Variants in MGAT4B observed in about 807,000 individuals in gnomAD.
MGAT4B encodes alpha-1,3-mannosyl-glycoprotein 4-beta-N-acetylglucosaminyltransferase B, also known as N-acetylglucosaminyltransferase IVb.
MGAT4B carries 38 observed loss-of-function variants against 73.9 expected under a neutral mutation model. That is an observed-to-expected ratio of 0.51 (90% confidence interval 0.40 to 0.67). The LOEUF (loss-of-function observed/expected upper bound fraction) is 0.67, where lower values mean the gene tolerates loss of function less well. Ranked by LOEUF, MGAT4B falls within the 30% of genes least tolerant of loss-of-function variation. The pLI, the probability that MGAT4B is intolerant of heterozygous loss-of-function variation, is 0.00. For missense variants in MGAT4B, 686 were observed against 735.2 expected (o/e 0.93, Z 0.77); for synonymous variants, 373 against 313.5 (o/e 1.19, Z -2.01).
chr5:179,798,114 A>G (rs1756730206), intron 14 of MGAT4B, 46 bp from the exon 15 acceptor site: 1 of 1,601,618 alleles, frequency 6.2e-7, no homozygotes, highest in Non-Finnish European at 8.5e-7. Flanking sequence ...GAGCTCCGCC[A>G]GGGTCTCCCT....
rs755322947 is a variant in MGAT4B, at chr5:179,800,056, T to C, written c.808A>G (p.Ile270Val). 4 of 1,613,962 alleles carry C rather than the reference T, an allele frequency of 2.5e-6. No individual in the cohort carries two copies. Among genetic ancestry groups the C allele is most frequent in the East Asian group, 2.2e-5 (1 of 44,886 alleles). ...CTCAGGTAGTTGGGCTTGGCCACGA[T>C]GTCATCCTCCAGCTGCGAGGTGAGC... is the stretch of plus-strand genomic sequence containing the variant. ...GIYYVQLEDD[I>V]VAKPNYLSTM... The change falls in exon 8 of 15, where the codon ATC (isoleucine) becomes GTC (valine). Residue 270 changes from isoleucine (I) to valine (V), a missense_variant. Ile to Val is a conservative substitution (Grantham distance 29). This residue lies in a region of MGAT4B where 449 missense variants were observed against 536.8 expected (regional missense o/e 0.84). Coordinates refer to ENST00000292591, the MANE Select transcript of MGAT4B (RefSeq NM_014275.5).
chr5:179,798,880 G>T, intron 11 of MGAT4B, 48 bp downstream of exon 11: 1 of 1,603,650 alleles, frequency 6.2e-7, no homozygotes, highest in East Asian at 2.2e-5. Context: ...ACACCCTGGG[G>T]GCCACCCAGC....
Position 179,799,486 on chromosome 5 carries a change from TC to T in MGAT4B, c.1041+19del. On this transcript the variant is annotated intron_variant, in intron 9 of 14. Coordinates refer to ENST00000292591, the MANE Select transcript of MGAT4B (RefSeq NM_014275.5). The stretch of plus-strand genomic sequence containing the variant: ...TGCCCCTTGGCCCTGCCCCTGCCAG[TC>T]CCGCCAGCTCTTGCTCACCGCATCC... The T allele has an allele frequency of 6.2e-7, 1 of 1,613,130 alleles. No individual in the cohort carries two copies. The highest frequency in any genetic ancestry group is 8.5e-7 in the Non-Finnish European group (1 of 1,179,832).
intron 11 of MGAT4B, 111 bp downstream of exon 11, chr5:179,798,817 C>T (rs1201034267): frequency 3.0e-6 from 4 of 1,319,544 alleles, no homozygotes; most frequent in East Asian, 2.4e-5. Flanking sequence ...ATTACGAGGC[C>T]CACTTCAGAT....
intron 6 of MGAT4B, 94 bp from the exon 7 acceptor site, chr5:179,800,353 C>A: frequency 4.0e-6 from 6 of 1,492,160 alleles, no homozygotes; most frequent in South Asian, 2.3e-5. Context: ...TCTGTCCCCC[C>A]ACCCCCATGC....
Position 179,798,676 on chromosome 5 carries a change from C to T in MGAT4B, c.1344-85G>A, listed in dbSNP as rs903024472. 76 of 1,456,692 alleles carry T rather than the reference C, an allele frequency of 5.2e-5. No individual in the cohort carries two copies. In the African/African-American group the frequency reaches 5.9e-4, roughly 11 times the overall value. 90.2% of individuals were successfully genotyped at this position (1,456,692 alleles called of 1,614,324 possible). A position where few individuals can be genotyped will look rare whatever the true frequency, so the allele number is the denominator to read the frequency against. ...GCCCAGCAGAGAAAGGCCAGGCCTG[C>T]GCCAGGAGGGCCCCCCAGGCAGCTG... On this transcript the variant is annotated intron_variant, in intron 11 of 14. Transcript: ENST00000292591.
chr5:179,801,139 T>C lies in MGAT4B; in HGVS notation c.559-186A>G. On this transcript the variant is annotated intron_variant, in intron 4 of 14. Coordinates refer to ENST00000292591, the MANE Select transcript of MGAT4B (RefSeq NM_014275.5). This position sits in a 1 kb window ranked among gnomAD's most constrained non-coding sequence, Gnocchi z 4.8. ...CTTTGGGACTCGCATGGCCAAGGAC[T>C]AGGGGGTGGCGGGGGCGATGGGTAG... 1 of 1,139,302 alleles carries C rather than the reference T, an allele frequency of 8.8e-7. No homozygotes were observed. Among genetic ancestry groups the C allele is most frequent in the Non-Finnish European group, 1.2e-6 (1 of 814,992 alleles). 70.6% of individuals were successfully genotyped at this position (1,139,302 alleles called of 1,614,324 possible).
In MGAT4B at chr5:179,797,815, C is replaced by T; in HGVS notation, c.*230G>A. The T allele has an allele frequency of 1.8e-6, 1 of 548,016 alleles. No homozygotes were observed. The highest frequency in any genetic ancestry group is 3.6e-5 in the Admixed American group (1 of 27,628). The allele number at this position is 548,016 out of a possible 1,614,324, so 33.9% of individuals were successfully genotyped here. On this transcript the variant is annotated 3_prime_UTR_variant, in exon 15 of 15. Transcript: ENST00000292591. ...CAGGCCGGGTGCGAACGGTTCCGGG[C>T]CTCAGGCACAGTGTGGGGGCCGCCT...
intron 6 of MGAT4B, 88 bp downstream of exon 6, chr5:179,800,396 C>T: frequency 7.0e-7 from 1 of 1,423,474 alleles, no homozygotes; most frequent in Non-Finnish European, 9.9e-7. Flanking sequence ...CAGGGCACTG[C>T]AGGGAAACAC....
rs760231271 is a variant in MGAT4B at position 179,799,072 on chromosome 5, G to A, written c.1199C>T (p.Pro400Leu). The A allele has an allele frequency of 6.2e-7, 1 of 1,613,936 alleles. No homozygotes were observed. The highest frequency in any genetic ancestry group is 8.5e-7 in the Non-Finnish European group (1 of 1,180,034). ...CTTCAGGCTCGTGCTCACCTCTGCT[G>A]GCGGGTTCACATGCTCCTTCCGCAG... The part of the protein sequence containing the change: ...QALRKEHVNP[P>L]AEVSTSLKTY... The change falls in exon 11 of 15, where the codon CCA (proline) becomes CTA (leucine). Residue 400 changes from proline (P) to leucine (L), a missense_variant. Around this residue, in one of 2 missense-constraint regions of MGAT4B, gnomAD observed 449 missense variants for 536.8 expected, o/e 0.84. Transcript: ENST00000292591.
intron 1 of MGAT4B, chr5:179,803,317 T>C: frequency 1.0e-6 from 1 of 971,780 alleles, no homozygotes; most frequent in Non-Finnish European, 1.2e-6. Flanking sequence ...GGGAGTCAGA[T>C]TACTGGCTCT....
rs138780445 is a variant in MGAT4B, at chr5:179,801,925, C to T, written c.142G>A (p.Asp48Asn). 1.1e-5 allele frequency: 17 copies of T among 1,613,210 alleles called. No homozygotes were observed. In the Admixed American group the frequency reaches 1.7e-4, roughly 16 times the overall value. The change falls in exon 2 of 15, where the codon GAT becomes AAT. Residue 48 changes from aspartate to asparagine, a missense_variant. By Grantham distance (23) the Asp-to-Asn change is conservative. Around this residue, in one of 2 missense-constraint regions of MGAT4B, gnomAD observed 237 missense variants for 198.5 expected, o/e 1.19. Transcript: ENST00000292591. The surrounding 1 kb of genome is among the most constrained non-coding windows in gnomAD (Gnocchi z 4.8). ...TCCTGCTCAGCTGCGTGCAACCGATCGCGCAGCGCCAGGAACTCCCGCTGG... is the reference window on the plus strand; with the variant it reads ...TCCTGCTCAGCTGCGTGCAACCGATTGCGCAGCGCCAGGAACTCCCGCTGG... Reference protein sequence around the residue: ...VYQREFLALRDRLHAAEQESL... With the variant: ...VYQREFLALRNRLHAAEQESL...
intron 11 of MGAT4B, 134 bp from the exon 12 acceptor site, chr5:179,798,725 G>T: frequency 8.7e-7 from 1 of 1,146,970 alleles, no homozygotes; most frequent in East Asian, 2.6e-5. Context: ...AGAGACCAGG[G>T]CCTTCCTCTG....
chr5:179,798,026 A>G lies in MGAT4B; in HGVS notation c.*19T>C, dbSNP rs1756724628. 6 of 1,604,204 alleles carry G rather than the reference A, an allele frequency of 3.7e-6. No individual in the cohort carries two copies. Among genetic ancestry groups the G allele is most frequent in the Non-Finnish European group, 5.1e-6 (6 of 1,176,082 alleles). The stretch of plus-strand genomic sequence containing the variant: ...TGGGCTTCAGGGCTGGCCACAGGGT[A>G]CCCTCAGAAGCCCGCAGCTTAGTCG... On this transcript the variant is annotated 3_prime_UTR_variant, in exon 15 of 15. Coordinates refer to ENST00000292591, the MANE Select transcript of MGAT4B (RefSeq NM_014275.5).
chr5:179,798,581 GGAA>G lies in MGAT4B; in HGVS notation c.1351_1353del (p.Phe451del). 3.1e-6 allele frequency: 5 copies of G among 1,613,452 alleles called. No individual in the cohort carries two copies. The highest frequency in any genetic ancestry group is 4.2e-6 in the Non-Finnish European group (5 of 1,180,006). On this transcript the variant is annotated inframe_deletion, in exon 12 of 15. Transcript: ENST00000292591. ...TCCGGGTGCTCGATGTTCCCACTGCGGAAGAAGAACCTGCAGCCAGGCAGGCCT... is the reference window on the plus strand; with the variant it reads ...TCCGGGTGCTCGATGTTCCCACTGCGGAAGAACCTGCAGCCAGGCAGGCCT...
rs141397984 is a variant in MGAT4B, at chr5:179,800,564, C to T, written c.639G>A (p.Glu213=). ...FPTEIHSGLL[E]VISPSPHFYP... is the part of the protein sequence containing the mutation. ...AGAAGTGGGGGGAGGGTGAGATGAC[C>T]TCCAGGAGCCCAGAATGGATCTCCG... Residue 213 remains glutamate (E), a synonymous_variant, in exon 6 of 15, where the codon GAG becomes GAA. Coordinates refer to ENST00000292591, the MANE Select transcript of MGAT4B (RefSeq NM_014275.5). 3,113 of 1,611,880 alleles carry T rather than the reference C, an allele frequency of 1.9e-3. 6 individuals carry two copies. Among genetic ancestry groups the T allele is most frequent in the Non-Finnish European group, 2.4e-3 (2,812 of 1,179,506 alleles).
At chr5:179,799,172 C>T (rs764183299) in intron 10 of MGAT4B, 31 bp downstream of exon 10, 75 of 1,613,826 alleles carry the variant, frequency 4.6e-5, no homozygotes, top group Admixed American at 6.7e-5. Context: ...ACCTTGATCC[C>T]GGCCTAGGGA....
chr5:179,802,650 G>A (rs996032930), intron 1 of MGAT4B: 19 of 986,596 alleles, frequency 1.9e-5, no homozygotes, highest in East Asian at 1.1e-4. Context: ...TGAAGGGTCC[G>A]CATGCCACCC....
chr5:179,802,104 C>G, intron 1 of MGAT4B, 135 bp from the exon 2 acceptor site: 2 of 1,556,632 alleles, frequency 1.3e-6, no homozygotes, highest in Non-Finnish European at 1.7e-6. Flanking sequence ...GCCTGCCACA[C>G]GTGACATAGC....
Sources: allele counts gnomAD v4.1 joint callset, GRCh38; gene constraint gnomAD v4.1.1; regional missense constraint gnomAD v4.1.1; non-coding constraint Gnocchi (gnomAD v3.1); transcripts MANE v1.5; gene names NCBI Gene and HGNC (gene_info 2026-07-23, HGNC 2026-07-21).